Variants in PAM16 observed in about 807,000 individuals in gnomAD.
The protein encoded by PAM16 is mitochondrial import inner membrane translocase subunit TIM16.
PAM16 carries 11 observed loss-of-function variants against 17.9 expected under a neutral mutation model. The observed-to-expected ratio is 0.62, with a 90% confidence interval of 0.39 to 1.02. The LOEUF (loss-of-function observed/expected upper bound fraction) is 1.02. PAM16 is among the 50% of genes least tolerant of loss of function. The probability of loss-of-function intolerance (pLI) is 0.01; values close to 1 mark genes in which losing one functional copy is unlikely to be tolerated. For missense variants in PAM16, 199 were observed against 165.4 expected, an observed-to-expected ratio of 1.20 and a Z score of -1.11; for synonymous variants, 72 against 67.4, an observed-to-expected ratio of 1.07 and a Z score of -0.34.
Position 4,351,253 on chromosome 16 carries a change from G to C in PAM16, c.-19C>G, listed in dbSNP as rs774572122. The C allele has an allele frequency of 4.1e-6, 6 of 1,465,534 alleles. No individual in the cohort carries two copies. In the South Asian group the frequency reaches 7.1e-5, roughly 17 times the overall value. 90.8% of individuals were successfully genotyped at this position (1,465,534 alleles called of 1,614,324 possible). A position where few individuals can be genotyped will look rare whatever the true frequency, so the allele number is the denominator to read the frequency against. ...TCACCATGGCAGCCGCTCTGCCTCC[G>C]GGGCTCAAACTCCGACTTCCTGGCC... On this transcript the variant is annotated 5_prime_UTR_variant, in exon 1 of 5. Coordinates refer to ENST00000318059, the MANE Select transcript of PAM16 (RefSeq NM_016069.11).
chr16:4,344,799 G>C (rs71384701), intron 1 of PAM16, among the ~76,000 whole-genome samples: 11 of 30,306 alleles, frequency 3.6e-4, no homozygotes, highest in South Asian at 2.2e-3. Flanking sequence ...GGAGGGGATT[G>C]TGTGAGAGGA....
chr16:4,341,620 T>C, intron 2 of PAM16, 116 bp from the exon 3 acceptor site: 3 of 1,453,566 alleles, frequency 2.1e-6, no homozygotes, highest in Non-Finnish European at 2.7e-6. Context: ...CAGGGACAGG[T>C]GGCTAGGAGC....
intron 1 of PAM16, chr16:4,344,136 G>A (rs1414261725): frequency 1.5e-5 from 6 of 396,272 alleles, no homozygotes; most frequent in East Asian, 7.2e-5. Flanking sequence ...AGATGTGAGC[G>A]GAAGCAACAG....
chr16:4,341,816 C>G (rs1373825996), intron 2 of PAM16: 3 of 411,602 alleles, frequency 7.3e-6, no homozygotes, highest in African/African-American at 2.0e-5. Context: ...AATTGGGGAG[C>G]TTTAGGCTAC....
rs543939113 is a variant in PAM16 at position 4,340,988 on chromosome 16, G to A, written c.226-3C>T. Reference sequence around the variant, plus strand: ...ACCTTAAATAAGTGTTCATAGTTCTGCAGAGGAGAGGGGACGGGTGAGAGG... The same window carrying A: ...ACCTTAAATAAGTGTTCATAGTTCTACAGAGGAGAGGGGACGGGTGAGAGG... On this transcript the variant is annotated splice_polypyrimidine_tract_variant and splice_region_variant and intron_variant, in intron 3 of 4. Coordinates refer to ENST00000318059, the MANE Select transcript of PAM16 (RefSeq NM_016069.11). The A allele has an allele frequency of 1.8e-4, 291 of 1,613,102 alleles. 5 individuals carry two copies. In the South Asian group the frequency reaches 2.8e-3, roughly 15 times the overall value.
intron 2 of PAM16, among the ~76,000 whole-genome samples, chr16:4,342,179 TAA>T (rs2053658621): frequency 6.6e-6 from 1 of 152,022 alleles, no homozygotes; most frequent in African/African-American, 2.4e-5. Flanking sequence ...TGAAAACCTG[TAA>T]AATACAAAAT....
chr16:4,350,289 A>C (rs1026672832), intron 1 of PAM16, among the ~76,000 whole-genome samples: 5 of 150,684 alleles, frequency 3.3e-5, no homozygotes, highest in East Asian at 1.9e-4. Flanking sequence ...TAACATATGT[A>C]TATATTATGT....
chr16:4,341,564 T>C lies in PAM16; in HGVS notation c.89-60A>G, dbSNP rs777921145. ...GCAGCCCACACTTCACCCTGGGCCT[T>C]CCGAGTTGGTGGCTCACCCCTGCCA... On this transcript the variant is annotated intron_variant, in intron 2 of 4. Coordinates refer to ENST00000318059, the MANE Select transcript of PAM16 (RefSeq NM_016069.11). The C allele has an allele frequency of 5.9e-6, 9 of 1,528,120 alleles. No homozygotes were observed. In the South Asian group the frequency reaches 1.1e-4, roughly 18 times the overall value. 94.7% of individuals were successfully genotyped at this position (1,528,120 alleles called of 1,614,324 possible). A position where few individuals can be genotyped will look rare whatever the true frequency, so the allele number is the denominator to read the frequency against.
intron 1 of PAM16, chr16:4,346,846 A>T (rs935678666): frequency 1.1e-4 from 16 of 152,072 alleles, no homozygotes; most frequent in African/African-American, 3.6e-4. Context: ...CACCCTCCCA[A>T]GTAACTGGGA....
At chr16:4,341,901 C>G (rs941141073) in intron 2 of PAM16, among the ~76,000 whole-genome samples, 2 of 152,182 alleles carry the variant, frequency 1.3e-5, no homozygotes, top group African/African-American at 4.8e-5. Context: ...GTCACCTAGA[C>G]CACCAAAGCC....
chr16:4,340,455 C>A, intron 4 of PAM16, 50 bp from the exon 5 acceptor site: 7 of 1,587,912 alleles, frequency 4.4e-6, no homozygotes, highest in Non-Finnish European at 4.3e-6. Context: ...CCGCCCCATA[C>A]CCCTTGCCCA....
At chr16:4,345,136 G>A (rs185752988) in intron 1 of PAM16, among the ~76,000 whole-genome samples, 277 of 152,206 alleles carry the variant, frequency 1.8e-3, no homozygotes, top group African/African-American at 6.4e-3. Flanking sequence ...TAGACGCAGG[G>A]GGGTGGCGCG....
Position 4,351,286 on chromosome 16 carries a change from C to T in PAM16, c.-52G>A. ...AACTCCGACTTCCTGGCCCCGCGGC[C>T]GGGGATCAAGCGTGGTCGGCGGGTC... On this transcript the variant is annotated 5_prime_UTR_variant, in exon 1 of 5. Coordinates refer to ENST00000318059, the MANE Select transcript of PAM16 (RefSeq NM_016069.11). 7.0e-7 allele frequency: 1 copy of T among 1,432,064 alleles called. No homozygotes were observed. Among genetic ancestry groups the T allele is most frequent in the East Asian group, 2.7e-5 (1 of 36,700 alleles). The allele number at this position is 1,432,064 out of a possible 1,614,324, so 88.7% of individuals were successfully genotyped here.
At chr16:4,351,166 G>T in intron 1 of PAM16, 66 bp downstream of exon 1, 2 of 1,040,360 alleles carry the variant, frequency 1.9e-6, no homozygotes, top group Non-Finnish European at 2.5e-6. Flanking sequence ...GGAGCTCGCC[G>T]CCCGGCCCCC....
chr16:4,346,556 AC>A (rs2053762466), intron 1 of PAM16: 1 of 152,186 alleles, frequency 6.6e-6, no homozygotes, highest in South Asian at 2.1e-4. Context: ...GCTGCAAAAC[AC>A]CATACTACAT....
chr16:4,343,100 G>A, intron 2 of PAM16, 107 bp downstream of exon 2: 4 of 1,463,180 alleles, frequency 2.7e-6, no homozygotes, highest in Non-Finnish European at 3.8e-6. Context: ...AAGTGCCTCA[G>A]GCCACGCACA....
intron 1 of PAM16, among the ~76,000 whole-genome samples, chr16:4,346,361 A>G (rs1293722846): frequency 6.6e-6 from 1 of 152,242 alleles, no homozygotes; most frequent in Non-Finnish European, 1.5e-5. Context: ...AATAAAGCTG[A>G]GATAATGCCT....
At chr16:4,345,319 A>C (rs1232847939) in intron 1 of PAM16, 3 of 152,180 alleles carry the variant, frequency 2.0e-5, no homozygotes, top group Admixed American at 1.3e-4. Flanking sequence ...TAATTCTGAC[A>C]ACTCAGGGGT....
rs575472612 is a variant in PAM16 at position 4,341,712 on chromosome 16, G to C, written c.89-208C>G. 163 of 807,600 alleles carry C rather than the reference G, an allele frequency of 2.0e-4. No homozygotes were observed. The African/African-American group carries it at 2.7e-3, about 13-fold the overall frequency. 50.0% of individuals were successfully genotyped at this position (807,600 alleles called of 1,614,324 possible). A position where few individuals can be genotyped will look rare whatever the true frequency, so the allele number is the denominator to read the frequency against. On this transcript the variant is annotated intron_variant, in intron 2 of 4. Transcript: ENST00000318059. ...ACAGACGTGCCTCACTGGAGGGTAA[G>C]GGCAGGATCTGACCGCTAATCCTGG...
Sources: gnomAD v4.1 joint callset for allele counts (sites outside exome capture counted in the v4.1 genomes callset) on GRCh38, gnomAD v4.1.1 for gene constraint, MANE v1.5 for transcripts, NCBI Gene and HGNC (gene_info 2026-07-23, HGNC 2026-07-21) for gene names.